The following RBFOX1 variants were observed in gnomAD, a reference collection of about 807,000 sequenced individuals.
RBFOX1 encodes the protein RNA binding fox-1 homolog 1, also known as RNA binding protein fox-1 homolog 1.
Under a neutral mutation model 57.7 loss-of-function variants are expected in RBFOX1, and 8 were observed. The observed-to-expected ratio is 0.14, with a 90% CI of 0.08 to 0.25. The LOEUF (loss-of-function observed/expected upper bound fraction) is 0.25. RBFOX1 is among the 10% of genes least tolerant of loss of function. The probability of loss-of-function intolerance (pLI) is 1.00; values close to 1 mark genes in which losing one functional copy is unlikely to be tolerated. For synonymous variants in RBFOX1, 326 were observed against 222.4 expected, an observed-to-expected ratio of 1.47 and a Z score of -4.15; for missense variants, 611 against 548.5, an observed-to-expected ratio of 1.11 and a Z score of -1.14.
At chr16:6,353,958 G>A (rs139848410) in intron 2 of RBFOX1, among the ~76,000 whole-genome samples, 5 of 152,124 alleles carry the variant, frequency 3.3e-5, no homozygotes, top group Admixed American at 1.3e-4. Flanking sequence ...AACAGTTCAC[G>A]CCTGTAGTCC....
intron 4 of RBFOX1, among the ~76,000 whole-genome samples, chr16:5,969,957 G>C (rs556616858): frequency 6.6e-6 from 1 of 152,226 alleles, no homozygotes; most frequent in East Asian, 1.9e-4. Context: ...GACCACATCT[G>C]TTGCTTCGCA....
intron 1 of RBFOX1, among the ~76,000 whole-genome samples, chr16:5,362,197 C>CTT (rs113440850): frequency 0.013 from 1,908 of 147,198 alleles, 37 homozygotes; most frequent in African/African-American, 0.044. Flanking sequence ...GTCACTGAAA[C>CTT]TTTTTTTTTT....
intron 3 of RBFOX1, among the ~76,000 whole-genome samples, chr16:5,672,334 G>C (rs74004471): frequency 6.6e-6 from 1 of 152,090 alleles, no homozygotes; most frequent in Non-Finnish European, 1.5e-5. Flanking sequence ...TGTGTCAGGA[G>C]GGCTCTTGAC....
rs571875010 is a variant in RBFOX1 at position 6,285,873 on chromosome 16, A to G, written c.-126-31122A>G. Among the ~76,000 whole-genome samples, 9 of 152,292 alleles carry G rather than the reference A, an allele frequency of 5.9e-5. No homozygotes were observed. In the South Asian group the frequency reaches 1.2e-3, roughly 21 times the overall value. On this transcript the variant is annotated intron_variant, in intron 1 of 15. Coordinates refer to ENST00000550418, the MANE Select transcript of RBFOX1 (RefSeq NM_018723.4). ...TTGATGGCCCATTAACACAACATGT[A>G]ACCCAAGAAGGAACGCAACAATAAA...
intron 1 of RBFOX1, among the ~76,000 whole-genome samples, chr16:6,272,854 A>G (rs1567823649): frequency 6.6e-6 from 1 of 152,238 alleles, no homozygotes; most frequent in Non-Finnish European, 1.5e-5. Flanking sequence ...CTTTCAACAT[A>G]TGGTACTAGA....
intron 2 of RBFOX1, among the ~76,000 whole-genome samples, chr16:5,510,691 A>G (rs1026240740): frequency 1.3e-5 from 2 of 152,138 alleles, no homozygotes; most frequent in African/African-American, 4.8e-5. Flanking sequence ...ACTGCATTTA[A>G]AGCTCTTGGA....
intron 3 of RBFOX1, among the ~76,000 whole-genome samples, chr16:6,823,273 C>G (rs1041199273): frequency 1.3e-5 from 2 of 150,500 alleles, no homozygotes; most frequent in Non-Finnish European, 1.5e-5. Flanking sequence ...CTTTTTTTTC[C>G]CCAGAAAGAG....
At chr16:6,443,826 C>G (rs983686705) in intron 2 of RBFOX1, among the ~76,000 whole-genome samples, 1 of 152,084 alleles carries the variant, frequency 6.6e-6, no homozygotes, top group African/African-American at 2.4e-5. Context: ...CTCCATCTAG[C>G]TATCCATTCA....
At chr16:6,276,381 C>G (rs972861634) in intron 1 of RBFOX1, among the ~76,000 whole-genome samples, 2 of 152,268 alleles carry the variant, frequency 1.3e-5, no homozygotes, top group East Asian at 1.9e-4. Flanking sequence ...GTTGCCCAAG[C>G]TGGAGTGCAG....
intron 3 of RBFOX1, among the ~76,000 whole-genome samples, chr16:5,729,774 G>A (rs1359395851): frequency 6.6e-6 from 1 of 152,088 alleles, no homozygotes; most frequent in Non-Finnish European, 1.5e-5. Context: ...CACTCTAGCT[G>A]GTTTCTCCAA....
intron 1 of RBFOX1, among the ~76,000 whole-genome samples, chr16:5,461,665 C>T (rs377414353): frequency 1.3e-5 from 2 of 152,152 alleles, no homozygotes; most frequent in African/African-American, 4.8e-5. Context: ...CAAAAATAGA[C>T]CTGGTGGCCA....
intron 3 of RBFOX1, among the ~76,000 whole-genome samples, chr16:7,050,573 A>G (rs2049712357): frequency 6.6e-6 from 1 of 151,856 alleles, no homozygotes; most frequent in Middle Eastern, 3.2e-3. Flanking sequence ...GCCTTCCTTC[A>G]TTTTCTTTAA....
chr16:7,126,944 G>C (rs1007700428), intron 4 of RBFOX1, among the ~76,000 whole-genome samples: 9 of 150,980 alleles, frequency 6.0e-5, no homozygotes, highest in African/African-American at 2.2e-4. Flanking sequence ...GGGAGGCAGA[G>C]GTTGCAGTGA....
At chr16:7,617,598 G>A (rs1040695497) in intron 10 of RBFOX1, among the ~76,000 whole-genome samples, 1 of 152,136 alleles carries the variant, frequency 6.6e-6, no homozygotes, top group Non-Finnish European at 1.5e-5. Context: ...GTTGTTTGAT[G>A]TTCATCAGGG....
At chr16:6,421,843 C>T (rs945878450) in intron 2 of RBFOX1, among the ~76,000 whole-genome samples, 2 of 148,008 alleles carry the variant, frequency 1.4e-5, no homozygotes, top group Non-Finnish European at 2.9e-5. Flanking sequence ...AAGACCTCCC[C>T]CCTCCTCAGT....
At position 5,351,787 on chromosome 16, in the gene RBFOX1, C is replaced by T. The variant is rs1293485006; in HGVS notation, c.219+111682C>T. 4.6e-5 allele frequency among the ~76,000 whole-genome samples: 7 copies of T among 152,048 alleles called. No homozygotes were observed. The South Asian group carries it at 1.0e-3, about 23-fold the overall frequency. On this transcript the variant is annotated intron_variant, in intron 1 of 2. Coordinates refer to the RBFOX1 transcript ENST00000585867. ...TCGGATGTTTGCTTGAAGCTTTAGG[C>T]TCTAAGTCTCCATTCTTCTTCTTCT...
At chr16:7,198,466 T>G (rs1356060808) in intron 4 of RBFOX1, among the ~76,000 whole-genome samples, 1 of 152,234 alleles carries the variant, frequency 6.6e-6, no homozygotes, top group African/African-American at 2.4e-5. Flanking sequence ...GCAAAAGAGA[T>G]AAAATCAAAA....
intron 2 of RBFOX1, among the ~76,000 whole-genome samples, chr16:6,558,543 C>G (rs1270306923): frequency 1.3e-5 from 2 of 152,112 alleles, no homozygotes; most frequent in African/African-American, 4.8e-5. Flanking sequence ...AGAACTTTGT[C>G]ATGACTTTCA....
chr16:5,507,191 C>T (rs1016406231), intron 2 of RBFOX1, among the ~76,000 whole-genome samples: 1 of 152,068 alleles, frequency 6.6e-6, no homozygotes, highest in African/African-American at 2.4e-5. Context: ...TAGAATGATG[C>T]CTGGCACCGA....
Sources: gnomAD v4.1 joint callset for allele counts (sites outside exome capture counted in the v4.1 genomes callset) on GRCh38, gnomAD v4.1.1 for gene constraint, MANE v1.5 for transcripts, NCBI Gene and HGNC (gene_info 2026-07-23, HGNC 2026-07-21) for gene names.